The following CPZ variants were observed in gnomAD, a reference collection of about 807,000 sequenced individuals.
CPZ encodes VEZT/CPZ fusion.
Under a neutral mutation model 61.8 loss-of-function variants are expected in CPZ, and 103 were observed. That is an observed-to-expected ratio of 1.67 (90% CI 1.42 to 1.96). CPZ has a LOEUF of 1.96. Among genes scored for constraint, CPZ ranks in the 30% most tolerant of loss-of-function variants. The pLI, the probability that CPZ is intolerant of heterozygous loss-of-function variation, is 0.00. For synonymous variants in CPZ, 551 were observed against 373.7 expected, an observed-to-expected ratio of 1.47 and a Z score of -5.47; for missense variants, 1,461 against 914.9, an observed-to-expected ratio of 1.60 and a Z score of -7.70.
intron 7 of CPZ, among the ~76,000 whole-genome samples, chr4:8,609,172 C>CACTTCT (rs1715371197): frequency 2.4e-5 from 1 of 41,854 alleles, no homozygotes; most frequent in Non-Finnish European, 4.3e-5. Context: ...ATTCACTCAC[C>CACTTCT]CATTCACTCA....
intron 4 of CPZ, among the ~76,000 whole-genome samples, chr4:8,605,477 T>A (rs2109323118): frequency 6.6e-6 from 1 of 152,046 alleles, no homozygotes; most frequent in South Asian, 2.1e-4. Flanking sequence ...CATTCATGCA[T>A]CAATTTATCC....
At position 8,618,017 on chromosome 4, in the gene CPZ, G is replaced by GT. The variant is rs369887571; in HGVS notation, c.1504-411dup. The stretch of plus-strand genomic sequence containing the variant: ...GAGCGAGGGTCCGAGCACTGTCCTC[G>GT]TCCTCTCCCATGCCCACGCCACCTT... On this transcript the variant is annotated intron_variant, in intron 9 of 10. Transcript: ENST00000360986. 2.2e-4 allele frequency: 54 copies of GT among 244,716 alleles called. No individual in the cohort carries two copies. In the East Asian group the frequency reaches 5.5e-3, roughly 25 times the overall value. 15.2% of individuals were successfully genotyped at this position (244,716 alleles called of 1,614,324 possible).
chr4:8,594,195 A>G (rs1379308021), intron 1 of CPZ, among the ~76,000 whole-genome samples: 1 of 152,184 alleles, frequency 6.6e-6, no homozygotes, highest in African/African-American at 2.4e-5. Flanking sequence ...GAAATCACTC[A>G]TCCCCCAGTC....
intron 9 of CPZ, among the ~76,000 whole-genome samples, chr4:8,616,219 T>C (rs1022466108): frequency 3.3e-5 from 5 of 152,098 alleles, no homozygotes; most frequent in Admixed American, 6.5e-5. Flanking sequence ...TCGTGGCCAA[T>C]TGAGGCTTTT....
Position 8,607,127 on chromosome 4 carries a change from C to A in CPZ, c.1069-140C>A, listed in dbSNP as rs182257376. 6.0e-5 allele frequency: 68 copies of A among 1,133,304 alleles called. No individual in the cohort carries two copies. The East Asian group carries it at 1.7e-3, about 28-fold the overall frequency. 70.2% of individuals were successfully genotyped at this position (1,133,304 alleles called of 1,614,324 possible). A position where few individuals can be genotyped will look rare whatever the true frequency, so the allele number is the denominator to read the frequency against. ...CCCCGCAGGGGCCCAGTGATGGGGG[C>A]CGAGTCCAGCTGGTGCGTTGATGTA... is the stretch of plus-strand genomic sequence containing the variant. On this transcript the variant is annotated intron_variant, in intron 6 of 10. Coordinates refer to ENST00000360986, the MANE Select transcript of CPZ (RefSeq NM_001014447.3).
chr4:8,609,123 C>CTCGT (rs1553877617), intron 7 of CPZ, among the ~76,000 whole-genome samples: 1 of 48,670 alleles, frequency 2.1e-5, no homozygotes, highest in Non-Finnish European at 3.8e-5. Flanking sequence ...CACTCCCTCA[C>CTCGT]TCATTCACTC....
Position 8,617,742 on chromosome 4 carries a change from A to G in CPZ, c.1504-687A>G, listed in dbSNP as rs2109349409. Among the ~76,000 whole-genome samples, 2 of 152,152 alleles carry G rather than the reference A, an allele frequency of 1.3e-5. 1 individual carries two copies. The highest frequency in any genetic ancestry group is 3.9e-4 in the East Asian group (2 of 5,174). ...CCTGGTCCTGCTCAGCGTGACCTTC[A>G]GCATCCTTGGACCCCACGTTGTTTT... On this transcript the variant is annotated intron_variant, in intron 9 of 10. Transcript: ENST00000360986.
Position 8,607,374 on chromosome 4 carries a change from C to A in CPZ, c.1176C>A (p.Phe392Leu), listed in dbSNP as rs572014660. 2 of 1,614,108 alleles carry A rather than the reference C, an allele frequency of 1.2e-6. No individual in the cohort carries two copies. The highest frequency in any genetic ancestry group is 1.7e-6 in the Non-Finnish European group (2 of 1,179,974). Residue 392 changes from phenylalanine to leucine, a missense_variant, in exon 7 of 11, where the codon TTC (phenylalanine) becomes TTA (leucine). Phe to Leu is a conservative substitution (Grantham distance 22). Coordinates refer to ENST00000360986, the MANE Select transcript of CPZ (RefSeq NM_001014447.3). ...GDLVVSYPFD[F>L]SKHPQEEKMF... ...TGGTGGTGTCCTACCCCTTCGACTTCTCCAAGCACCCCCAGGAGGAGAAGA... is the reference window on the plus strand; with the variant it reads ...TGGTGGTGTCCTACCCCTTCGACTTATCCAAGCACCCCCAGGAGGAGAAGA...
intron 4 of CPZ, 110 bp downstream of exon 4, chr4:8,604,298 G>C (rs1395591636): frequency 1.5e-5 from 16 of 1,035,034 alleles, no homozygotes; most frequent in Non-Finnish European, 2.0e-5. Flanking sequence ...GGGCAGAGCT[G>C]GGGGCCTCAG....
At chr4:8,610,807 G>A (rs572493201) in intron 7 of CPZ, among the ~76,000 whole-genome samples, 4 of 151,986 alleles carry the variant, frequency 2.6e-5, no homozygotes, top group Admixed American at 6.5e-5. Context: ...GAGTGGGGTT[G>A]TGTTTGTGCC....
At chr4:8,597,581 G>T (rs914666544) in intron 1 of CPZ, 2 of 152,248 alleles carry the variant, frequency 1.3e-5, no homozygotes, top group African/African-American at 4.8e-5. Flanking sequence ...GGGCGTCCGC[G>T]GGCATGGACG....
chr4:8,596,966 A>G (rs1039979325), intron 1 of CPZ, among the ~76,000 whole-genome samples: 1 of 152,214 alleles, frequency 6.6e-6, no homozygotes, highest in Non-Finnish European at 1.5e-5. Context: ...AGGTTCACCC[A>G]AGCTCGCCAG....
intron 1 of CPZ, among the ~76,000 whole-genome samples, chr4:8,598,049 G>A (rs563839745): frequency 1.3e-5 from 2 of 152,310 alleles, no homozygotes; most frequent in Non-Finnish European, 2.9e-5. Context: ...AAGGGCAGCC[G>A]TGTCTTCCCC....
At chr4:8,602,177 GTGCCAGAGGGCCACT>G (rs1407428447) in intron 3 of CPZ, 1 of 152,332 alleles carries the variant, frequency 6.6e-6, no homozygotes, top group Non-Finnish European at 1.5e-5. Flanking sequence ...GTGCAAAGAG[GTGCCAGAGGGCCACT>G]TGGCAGCGGG....
Position 8,612,350 on chromosome 4 carries a change from C to T in CPZ, c.1363+188C>T, listed in dbSNP as rs573551519. ...TGTTTCTGTCTTGATGAAAAGCTGT[C>T]GTGTGACTGTTGTGGAGGACCCAGG... On this transcript the variant is annotated intron_variant, in intron 8 of 10. Transcript: ENST00000360986. Among the ~76,000 whole-genome samples, 13 of 104,380 alleles carry T rather than the reference C, an allele frequency of 1.2e-4. No homozygotes were observed. The South Asian group carries it at 1.8e-3, about 15-fold the overall frequency. The allele number at this position is 104,380 out of a possible 152,430, so 68.5% of individuals were successfully genotyped here. A position where few individuals can be genotyped will look rare whatever the true frequency, so the allele number is the denominator to read the frequency against.
At chr4:8,606,942 A>C (rs1259395124) in intron 6 of CPZ, 44 bp downstream of exon 6, 2 of 1,541,398 alleles carry the variant, frequency 1.3e-6, no homozygotes, top group Non-Finnish European at 1.8e-6. Flanking sequence ...CAAGGCATCC[A>C]GGGGTCCCTA....
intron 1 of CPZ, among the ~76,000 whole-genome samples, chr4:8,595,804 G>A (rs189078260): frequency 1.1e-3 from 169 of 152,308 alleles, no homozygotes; most frequent in African/African-American, 3.9e-3. Flanking sequence ...ACGGGATTAG[G>A]GCAGGCCCTA....
chr4:8,605,330 C>CCATCCATCCATCCATCCATCATTTATG (rs1553876732), intron 4 of CPZ, among the ~76,000 whole-genome samples: 5 of 149,316 alleles, frequency 3.3e-5, no homozygotes, highest in African/African-American at 1.3e-4. Flanking sequence ...ATTCATCCAT[C>CCATCCATCCATCCATCCATCATTTATG]CATCCATCCA....
chr4:8,593,360 C>T (rs1229469682), intron 1 of CPZ, among the ~76,000 whole-genome samples: 2 of 152,190 alleles, frequency 1.3e-5, no homozygotes, highest in African/African-American at 4.8e-5. Context: ...CCAGCTGGGG[C>T]TGTGATGTGG....
Sources: allele counts gnomAD v4.1 joint callset (sites outside exome capture counted in the v4.1 genomes callset), GRCh38; gene constraint gnomAD v4.1.1; transcripts MANE v1.5; gene names NCBI Gene and HGNC (gene_info 2026-07-23, HGNC 2026-07-21).